The following EXTL1 variants were observed in gnomAD, a reference collection of about 807,000 sequenced individuals.
EXTL1 encodes the protein exostosin-like 1.
In EXTL1, 43 loss-of-function variants were observed where a neutral mutation model predicts 64.6. The observed-to-expected ratio is 0.67, with a 90% CI of 0.52 to 0.86. EXTL1 has a LOEUF of 0.86. Among genes scored for constraint, EXTL1 ranks in the 40% least tolerant of loss-of-function variants. The pLI is 0.00. For missense variants in EXTL1, 766 were observed against 879.0 expected (o/e 0.87, Z 1.62); for synonymous variants, 352 against 360.5 (o/e 0.98, Z 0.27).
At chr1:26,032,291 C>G (rs1354429250) in intron 6 of EXTL1, 105 bp from the exon 7 acceptor site, 2 of 724,674 alleles carry the variant, frequency 2.8e-6, no homozygotes, top group Non-Finnish European at 4.8e-6. Flanking sequence ...GTTTACAAAG[C>G]TGACTTCTCA....
chr1:26,035,554 G>A lies in EXTL1; in HGVS notation c.*207G>A. On this transcript the variant is annotated 3_prime_UTR_variant, in exon 11 of 11. Transcript: ENST00000374280. The surrounding 1 kb of genome is among the most constrained non-coding windows in gnomAD (Gnocchi z 5.3). Reference sequence around the variant, plus strand: ...CCCTCAGCCGCGGAGCCTCTGCGGAGGCTGAGCCCCGCGACCGGAGCGCCG... The same window carrying A: ...CCCTCAGCCGCGGAGCCTCTGCGGAAGCTGAGCCCCGCGACCGGAGCGCCG... 2.2e-6 allele frequency: 1 copy of A among 461,384 alleles called. No individual in the cohort carries two copies. Among genetic ancestry groups the A allele is most frequent in the East Asian group, 3.2e-5 (1 of 31,240 alleles). The allele number at this position is 461,384 out of a possible 1,614,324, so 28.6% of individuals were successfully genotyped here. A position where few individuals can be genotyped will look rare whatever the true frequency, so the allele number is the denominator to read the frequency against.
chr1:26,022,956 G>A lies in EXTL1; in HGVS notation c.310G>A (p.Val104Ile). 2 of 1,614,142 alleles carry A rather than the reference G, an allele frequency of 1.2e-6. No homozygotes were observed. Among genetic ancestry groups the A allele is most frequent in the Non-Finnish European group, 1.7e-6 (2 of 1,180,014 alleles). Residue 104 changes from valine to isoleucine, a missense_variant, in exon 1 of 11, where the codon GTT becomes ATT. By Grantham distance (29) the Val-to-Ile change is conservative. This residue lies in a region of EXTL1 where 571 missense variants were observed against 647.6 expected (regional missense o/e 0.88). Coordinates refer to ENST00000374280, the MANE Select transcript of EXTL1 (RefSeq NM_004455.3). ...CCTTAAGGTATTCGTGTACCCAGCG[G>A]TTGGAACCATCTCTGAGACTCATCG... ...DGLKVFVYPA[V>I]GTISETHRRI...
Position 26,034,882 on chromosome 1 carries a change from A to T in EXTL1, c.1726A>T (p.Thr576Ser). 6.2e-7 allele frequency: 1 copy of T among 1,614,116 alleles called. No individual in the cohort carries two copies. Among genetic ancestry groups the T allele is most frequent in the Non-Finnish European group, 8.5e-7 (1 of 1,180,000 alleles). Reference protein sequence around the residue: ...FTHSLPKALRTLADEAPTCVD... With the variant: ...FTHSLPKALRSLADEAPTCVD... ...CCACTCCCTGCCCAAGGCTCTGAGG[A>T]CCCTGGCAGATGAGGCACCCACCTG... is the stretch of plus-strand genomic sequence containing the variant. The change falls in exon 10 of 11, where the codon ACC becomes TCC. Residue 576 changes from threonine to serine, a missense_variant. By Grantham distance (58) the Thr-to-Ser change is moderately conservative (BLOSUM62 1). Coordinates refer to ENST00000374280, the MANE Select transcript of EXTL1 (RefSeq NM_004455.3). This position sits in a 1 kb window ranked among gnomAD's most constrained non-coding sequence, Gnocchi z 4.6.
intron 1 of EXTL1, among the ~76,000 whole-genome samples, chr1:26,026,297 A>ATTTT (rs61087238): frequency 2.8e-5 from 4 of 141,030 alleles, no homozygotes; most frequent in African/African-American, 5.3e-5. Context: ...GAAGAAAAAA[A>ATTTT]TTTTTTTTTT....
chr1:26,032,028 C>CGTATCATTAAAAA, intron 6 of EXTL1: 1 of 236,518 alleles, frequency 4.2e-6, no homozygotes. Flanking sequence ...AGGAAGGCTC[C>CGTATCATTAAAAA]AAACAGGCCA....
At chr1:26,031,308 C>G (rs376104931) in intron 5 of EXTL1, 44 bp downstream of exon 5, 36 of 1,596,108 alleles carry the variant, frequency 2.3e-5, no homozygotes, top group Middle Eastern at 3.3e-4. Flanking sequence ...CTCAGCTCTA[C>G]CCAGGGCTGC....
chr1:26,024,537 A>T (rs2050194154), intron 1 of EXTL1, among the ~76,000 whole-genome samples: 7 of 151,938 alleles, frequency 4.6e-5, no homozygotes, highest in Admixed American at 4.6e-4. Context: ...TGGGAATGGG[A>T]TCCTTCCACT....
intron 3 of EXTL1, 49 bp downstream of exon 3, chr1:26,029,756 G>A (rs1325306618): frequency 8.1e-7 from 1 of 1,231,754 alleles, no homozygotes; most frequent in Non-Finnish European, 1.2e-6. Flanking sequence ...CAGGACAGGG[G>A]AGGGACCTAG....
intron 7 of EXTL1, 25 bp downstream of exon 7, chr1:26,032,510 AG>A: frequency 6.5e-7 from 1 of 1,533,636 alleles, no homozygotes. Context: ...GAGCCATGAA[AG>A]GGGTGGGCCC....
Position 26,035,208 on chromosome 1 carries a change from C to A in EXTL1, c.1892C>A (p.Ala631Asp). 1.2e-6 allele frequency: 2 copies of A among 1,612,768 alleles called. No individual in the cohort carries two copies. The highest frequency in any genetic ancestry group is 1.1e-5 in the South Asian group (1 of 91,058). ...PGPRPKPPAP[A>D]PDCINQIAAA... The stretch of plus-strand genomic sequence containing the variant: ...CCCAGGCCAAAGCCGCCTGCCCCAG[C>A]CCCCGACTGCATCAACCAGATAGCG... The change falls in exon 11 of 11, where the codon GCC becomes GAC. Residue 631 changes from alanine (A) to aspartate (D), a missense_variant. Ala to Asp is a moderately radical substitution (Grantham distance 126, BLOSUM62 -2). Transcript: ENST00000374280. This position sits in a 1 kb window ranked among gnomAD's most constrained non-coding sequence, Gnocchi z 5.3.
In EXTL1 at chr1:26,033,913, C is replaced by A; in HGVS notation, c.1679+57C>A. ...GTATCAGAGGACCAGAGACCCCACC[C>A]CCACCCCGAACGGAGCAGAGTGGCC... On this transcript the variant is annotated intron_variant, in intron 9 of 10. Transcript: ENST00000374280. This position sits in a 1 kb window ranked among gnomAD's most constrained non-coding sequence, Gnocchi z 5.1. 1 of 1,522,936 alleles carries A rather than the reference C, an allele frequency of 6.6e-7. No individual in the cohort carries two copies. The highest frequency in any genetic ancestry group is 2.0e-5 in the Admixed American group (1 of 50,424). The allele number at this position is 1,522,936 out of a possible 1,614,324, so 94.3% of individuals were successfully genotyped here.
At position 26,033,794 on chromosome 1, in the gene EXTL1, C is replaced by A. The variant is rs2050311789; in HGVS notation, c.1617C>A (p.Gly539=). The change falls in exon 9 of 11, where the codon GGC becomes GGA. Residue 539 remains glycine, a synonymous_variant. Coordinates refer to ENST00000374280, the MANE Select transcript of EXTL1 (RefSeq NM_004455.3). The surrounding 1 kb of genome is among the most constrained non-coding windows in gnomAD (Gnocchi z 5.1). ...HFWDEAHGGW[G]YTAERTNEFS... is the part of the protein sequence containing the mutation. ...GGGACGAGGCCCATGGTGGCTGGGG[C>A]TACACTGCTGAGAGGACCAACGAAT... 6.2e-7 allele frequency: 1 copy of A among 1,614,134 alleles called. No individual in the cohort carries two copies. The highest frequency in any genetic ancestry group is 8.5e-7 in the Non-Finnish European group (1 of 1,179,968).
chr1:26,032,141 C>T (rs1034663112), intron 6 of EXTL1: 9 of 454,746 alleles, frequency 2.0e-5, no homozygotes, highest in Non-Finnish European at 3.1e-5. Flanking sequence ...TAGGGACTAC[C>T]ACAGACAACT....
At position 26,023,006 on chromosome 1, in the gene EXTL1, C is replaced by T. The variant is rs747110888; in HGVS notation, c.360C>T (p.Gly120=). 10 of 1,614,168 alleles carry T rather than the reference C, an allele frequency of 6.2e-6. No homozygotes were observed. Among genetic ancestry groups the T allele is most frequent in the Non-Finnish European group, 8.5e-6 (10 of 1,180,032 alleles). ...THRRILASIE[G]SRFYTFSPAG... ...GCAGGATCCTGGCTTCCATTGAGGG[C>T]TCTCGCTTCTACACATTCAGCCCTG... is the stretch of plus-strand genomic sequence containing the variant. Residue 120 remains glycine (G), a synonymous_variant, in exon 1 of 11, where the codon GGC becomes GGT. Coordinates refer to ENST00000374280, the MANE Select transcript of EXTL1 (RefSeq NM_004455.3).
intron 6 of EXTL1, 21 bp from the exon 7 acceptor site, chr1:26,032,375 G>C (rs1238117923): frequency 6.5e-7 from 1 of 1,541,210 alleles, no homozygotes; most frequent in East Asian, 2.4e-5. Flanking sequence ...CAGACTTCAA[G>C]AACAACCCCC....
Position 26,022,777 on chromosome 1 carries a change from A to C in EXTL1, c.131A>C (p.Gln44Pro). 1 of 1,613,768 alleles carries C rather than the reference A, an allele frequency of 6.2e-7. No individual in the cohort carries two copies. Among genetic ancestry groups the C allele is most frequent in the Non-Finnish European group, 8.5e-7 (1 of 1,179,904 alleles). ...CCCAGACCTCGGCCCGGGGCTTCCC[A>C]AGGCTGGCCCCGCTGGCTGGATGCA... ...LPPRPRPGAS[Q>P]GWPRWLDAEL... Residue 44 changes from glutamine (Q) to proline (P), a missense_variant, in exon 1 of 11, where the codon CAA becomes CCA. By Grantham distance (76) the Gln-to-Pro change is moderately conservative. Around this residue, in one of 3 missense-constraint regions of EXTL1, gnomAD observed 571 missense variants for 647.6 expected, o/e 0.88. Transcript: ENST00000374280.
rs201448835 is a variant in EXTL1, at chr1:26,034,775, G to A, written c.1680-61G>A. ...AGGGAGAGGTGAGGTCAGGAGGGAG[G>A]AGAATGGGGCCTGGGGATGGATTTG... On this transcript the variant is annotated intron_variant, in intron 9 of 10. Transcript: ENST00000374280. This position sits in a 1 kb window ranked among gnomAD's most constrained non-coding sequence, Gnocchi z 4.6. The A allele has an allele frequency of 1.9e-6, 3 of 1,545,114 alleles. No homozygotes were observed. The East Asian group carries it at 6.8e-5, about 35-fold the overall frequency.
chr1:26,031,025 C>T, intron 4 of EXTL1, 107 bp from the exon 5 acceptor site: 1 of 1,419,260 alleles, frequency 7.0e-7, no homozygotes, highest in Non-Finnish European at 9.8e-7. Context: ...AGCTTCTGAC[C>T]CCAGGGGTCT....
rs745393363 is a variant in EXTL1, at chr1:26,022,628, C to G, written c.-19C>G. 1.2e-5 allele frequency: 18 copies of G among 1,564,890 alleles called. No individual in the cohort carries two copies. The South Asian group carries it at 2.2e-4, about 19-fold the overall frequency. On this transcript the variant is annotated 5_prime_UTR_variant, in exon 1 of 11. Coordinates refer to ENST00000374280, the MANE Select transcript of EXTL1 (RefSeq NM_004455.3). ...GCAGAGGCCTCCCAGCTTCCCTAGC[C>G]CTGACTGTGGGTGGCCACATGCAGT...
Sources: allele counts gnomAD v4.1 joint callset (sites outside exome capture counted in the v4.1 genomes callset), GRCh38; gene constraint gnomAD v4.1.1; regional missense constraint gnomAD v4.1.1; non-coding constraint Gnocchi (gnomAD v3.1); transcripts MANE v1.5; gene names NCBI Gene and HGNC (gene_info 2026-07-23, HGNC 2026-07-21).